Variants in NOTCH2 observed in about 807,000 individuals in gnomAD.
NOTCH2 encodes the protein notch receptor 2, also known as neurogenic locus notch homolog protein 2.
Under a neutral mutation model 235.8 loss-of-function variants are expected in NOTCH2, and 29 were observed. The observed-to-expected ratio is 0.12, with a 90% CI of 0.09 to 0.17. The LOEUF is 0.17. Ranked by LOEUF, NOTCH2 falls within the 10% of genes least tolerant of loss-of-function variation. NOTCH2 has a pLI of 1.00. For missense variants in NOTCH2, 2,285 were observed against 3,150.2 expected (o/e 0.73, Z 6.57); for synonymous variants, 1,086 against 1,141.5 (o/e 0.95, Z 0.98).
In NOTCH2 at chr1:119,925,590, C is replaced by T. The variant is rs1416495604; in HGVS notation, c.4226G>A (p.Ser1409Asn). The change falls in exon 25 of 34, where the codon AGC becomes AAC. Residue 1409 changes from serine (S) to asparagine (N), a missense_variant. By Grantham distance (46) the Ser-to-Asn change is conservative. Around this residue, in one of 6 missense-constraint regions of NOTCH2, gnomAD observed 1,173 missense variants for 1,515.3 expected, o/e 0.77. Coordinates refer to ENST00000256646, the MANE Select transcript of NOTCH2 (RefSeq NM_024408.4). Reference sequence around the variant, plus strand: ...GGGTGCCGTGTAGAGTTCACAGCGGCTACCCGAGAATGGTGGGGCACACTG... The same window carrying T: ...GGGTGCCGTGTAGAGTTCACAGCGGTTACCCGAGAATGGTGGGGCACACTG... ...SCQCAPPFSG[S>N]RCELYTAPPS... The T allele has an allele frequency of 6.2e-7, 1 of 1,614,124 alleles. No homozygotes were observed. Among genetic ancestry groups the T allele is most frequent in the African/African-American group, 1.3e-5 (1 of 75,038 alleles).
chr1:119,935,969 A>C (rs587607815), intron 21 of NOTCH2, among the ~76,000 whole-genome samples: 1 of 152,260 alleles, frequency 6.6e-6, no homozygotes, highest in East Asian at 1.9e-4. Context: ...GGACCCTATG[A>C]CTCGGTCAAA....
At chr1:119,996,846 T>C (rs782131533) in intron 4 of NOTCH2, 151 bp downstream of exon 4, 2 of 889,250 alleles carry the variant, frequency 2.2e-6, no homozygotes, top group East Asian at 2.6e-5. Context: ...AGTGGGCCCA[T>C]AAAACTCCTC....
chr1:119,973,088 CT>C (rs1477735127), intron 5 of NOTCH2, among the ~76,000 whole-genome samples: 1 of 152,200 alleles, frequency 6.6e-6, no homozygotes, highest in African/African-American at 2.4e-5. Context: ...GACCATGCAT[CT>C]GTTCGATAGT....
At chr1:120,023,780 G>GT (rs1557850936) in intron 2 of NOTCH2, among the ~76,000 whole-genome samples, 1 of 138,906 alleles carries the variant, frequency 7.2e-6, no homozygotes, top group South Asian at 2.5e-4. Flanking sequence ...ATTATAGTCA[G>GT]TTTTTTTCAT....
At chr1:120,039,465 G>A (rs1406117728) in intron 1 of NOTCH2, among the ~76,000 whole-genome samples, 1 of 148,734 alleles carries the variant, frequency 6.7e-6, no homozygotes, top group Non-Finnish European at 1.5e-5. Context: ...CTGGAGTGCA[G>A]TGGCGCAATC....
chr1:119,970,129 T>C (rs782580282), intron 5 of NOTCH2, among the ~76,000 whole-genome samples: 8 of 152,106 alleles, frequency 5.3e-5, no homozygotes, highest in Non-Finnish European at 1.0e-4. Flanking sequence ...GGAACCTATA[T>C]GCCAAACATT....
In NOTCH2 at chr1:119,913,593, T is replaced by C. The variant is rs1025646080; in HGVS notation, c.*1713A>G. The C allele has an allele frequency of 4.3e-6, 1 of 233,206 alleles. No individual in the cohort carries two copies. Among genetic ancestry groups the C allele is most frequent in the East Asian group, 6.0e-5 (1 of 16,600 alleles). The allele number at this position is 233,206 out of a possible 1,614,324, so 14.4% of individuals were successfully genotyped here. ...AGAAGAGGAAGAAAACTATTCTTTA[T>C]CTACAATTAACTAAAATGCTTCTGC... On this transcript the variant is annotated 3_prime_UTR_variant, in exon 34 of 34. Transcript: ENST00000256646.
At chr1:120,054,108 TATCTC>T (rs1390985578) in intron 1 of NOTCH2, 1 of 130,276 alleles carries the variant, frequency 7.7e-6, no homozygotes, top group African/African-American at 2.9e-5. Flanking sequence ...TGCTGTCACT[TATCTC>T]TTTTACCTTC....
chr1:119,926,524 T>C lies in NOTCH2; in HGVS notation c.3980A>G (p.Asp1327Gly), dbSNP rs61752484. 8.7e-3 allele frequency: 14,038 copies of C among 1,605,286 alleles called. 215 individuals carry two copies. The highest frequency in any genetic ancestry group is 0.052 in the South Asian group (4,624 of 89,382). Residue 1327 changes from aspartate (D) to glycine (G), a missense_variant, in exon 24 of 34, where the codon GAT (aspartate) becomes GGT (glycine). Asp to Gly is a moderately conservative substitution (Grantham distance 94). Transcript: ENST00000256646. The stretch of plus-strand genomic sequence containing the variant: ...CGGGGGACAACGGCAAATGAAACCA[T>C]CAGGCATGTTACTGGCCACAGCACA... ...GTCAVASNMP[D>G]GFICRCPPGF...
intron 13 of NOTCH2, 142 bp from the exon 14 acceptor site, chr1:119,953,830 A>T: frequency 1.3e-6 from 1 of 782,106 alleles, no homozygotes; most frequent in Non-Finnish European, 2.2e-6. Context: ...CACCTTGCAC[A>T]TGGTGTGTAC....
At chr1:119,956,550 T>G (rs1553198384) in intron 12 of NOTCH2, among the ~76,000 whole-genome samples, 1 of 152,214 alleles carries the variant, frequency 6.6e-6, no homozygotes, top group East Asian at 1.9e-4. Context: ...GTTTTCCTCT[T>G]AAGTGTTTTA....
At chr1:120,008,961 G>A (rs1557844433) in intron 2 of NOTCH2, among the ~76,000 whole-genome samples, 2 of 151,702 alleles carry the variant, frequency 1.3e-5, no homozygotes. Flanking sequence ...TGGGGATGAG[G>A]GTGTGGGGTG....
intron 11 of NOTCH2, among the ~76,000 whole-genome samples, chr1:119,962,419 A>C (rs1222364930): frequency 1.3e-5 from 2 of 152,184 alleles, no homozygotes; most frequent in Non-Finnish European, 2.9e-5. Context: ...AAGTTTTCAC[A>C]AAGATCTATT....
Position 119,920,237 on chromosome 1 carries a change from C to T in NOTCH2, c.5471G>A (p.Arg1824His), listed in dbSNP as rs755747980. The change falls in exon 30 of 34, where the codon CGT (arginine) becomes CAT (histidine). Residue 1824 changes from arginine (R) to histidine (H), a missense_variant. Physicochemically the swap from Arg to His is conservative, Grantham distance 29. Coordinates refer to ENST00000256646, the MANE Select transcript of NOTCH2 (RefSeq NM_024408.4). Reference protein sequence around the residue: ...QEVDVLDVNVRGPDGCTPLML... With the variant: ...QEVDVLDVNVHGPDGCTPLML... The stretch of plus-strand genomic sequence containing the variant: ...AGAGGCCCGGTGCTGACCTGGGCCA[C>T]GGACATTCACATCTAACACATCCAC... The T allele has an allele frequency of 4.3e-6, 7 of 1,614,036 alleles. No individual in the cohort carries two copies. The highest frequency in any genetic ancestry group is 1.3e-5 in the African/African-American group (1 of 75,050).
intron 2 of NOTCH2, among the ~76,000 whole-genome samples, chr1:120,018,228 GCT>G (rs1653526706): frequency 7.0e-6 from 1 of 142,918 alleles, no homozygotes; most frequent in Admixed American, 7.1e-5. Context: ...TGGAGAAACA[GCT>G]CTTAGTCCCA....
chr1:119,913,900 A>G lies in NOTCH2; in HGVS notation c.*1406T>C, dbSNP rs1225102161. ...ATAGGGCTGTTTTGGATCATAGAAA[A>G]CAAGTCCAACTTTCCAATTCCTGCA... On this transcript the variant is annotated 3_prime_UTR_variant, in exon 34 of 34. Transcript: ENST00000256646. 4.3e-6 allele frequency: 1 copy of G among 232,976 alleles called. No individual in the cohort carries two copies. Among genetic ancestry groups the G allele is most frequent in the African/African-American group, 2.2e-5 (1 of 45,334 alleles). The allele number at this position is 232,976 out of a possible 1,614,324, so 14.4% of individuals were successfully genotyped here.
chr1:119,959,915 T>C (rs188096433), intron 11 of NOTCH2, among the ~76,000 whole-genome samples: 4 of 152,334 alleles, frequency 2.6e-5, no homozygotes, highest in Admixed American at 1.3e-4. Flanking sequence ...AATTAGTAAC[T>C]TTATAATTTT....
At chr1:120,027,690 T>C (rs1309165890) in intron 2 of NOTCH2, among the ~76,000 whole-genome samples, 2 of 149,514 alleles carry the variant, frequency 1.3e-5, no homozygotes, top group Non-Finnish European at 3.0e-5. Context: ...TGTGTTCTCA[T>C]TGTTCAACTC....
chr1:119,984,648 A>T (rs1410872984), intron 5 of NOTCH2, among the ~76,000 whole-genome samples: 1 of 152,196 alleles, frequency 6.6e-6, no homozygotes, highest in African/African-American at 2.4e-5. Context: ...TTCTCTTTAC[A>T]ATAGGATAGG....
Sources: allele counts gnomAD v4.1 joint callset (sites outside exome capture counted in the v4.1 genomes callset), GRCh38; gene constraint gnomAD v4.1.1; regional missense constraint gnomAD v4.1.1; transcripts MANE v1.5; gene names NCBI Gene and HGNC (gene_info 2026-07-23, HGNC 2026-07-21).